ATF7: variants seen among roughly 807,000 people sequenced by gnomAD.
The protein encoded by ATF7 is activating transcription factor 7.
ATF7 carries 10 observed loss-of-function variants against 50.4 expected under a neutral mutation model. The observed-to-expected ratio is 0.20, with a 90% CI of 0.12 to 0.34. The LOEUF (loss-of-function observed/expected upper bound fraction) is 0.34. Ranked by LOEUF, ATF7 falls within the 10% of genes least tolerant of loss-of-function variation. The probability of loss-of-function intolerance (pLI) is 1.00; values close to 1 mark genes in which losing one functional copy is unlikely to be tolerated. For missense variants in ATF7, 465 were observed against 613.9 expected, an observed-to-expected ratio of 0.76 and a Z score of 2.56; for synonymous variants, 201 against 226.4, an observed-to-expected ratio of 0.89 and a Z score of 1.01.
intron 2 of ATF7, among the ~76,000 whole-genome samples, chr12:53,580,783 T>C (rs1020900277): frequency 3.3e-5 from 5 of 151,300 alleles, no homozygotes; most frequent in African/African-American, 1.2e-4. Context: ...CATTGCATAA[T>C]GATAAAATGG....
At chr12:53,599,873 C>T (rs1305503836) in intron 2 of ATF7, among the ~76,000 whole-genome samples, 1 of 151,922 alleles carries the variant, frequency 6.6e-6, no homozygotes, top group Non-Finnish European at 1.5e-5. Context: ...AAACTTCCTT[C>T]GTATTCCTTT....
In ATF7 at chr12:53,517,327, G is replaced by C; in HGVS notation, c.1262C>G (p.Thr421Arg). ...CTGAATCACAGGGGCTGGAGAACCCGTTGGCTCTGAGCTTTCCTTGGGGCT... is the reference window on the plus strand; with the variant it reads ...CTGAATCACAGGGGCTGGAGAACCCCTTGGCTCTGAGCTTTCCTTGGGGCT... The part of the protein sequence containing the change: ...LESPKESSEP[T>R]GSPAPVIQHS... Residue 421 changes from threonine (T) to arginine (R), a missense_variant, in exon 12 of 12, where the codon ACG becomes AGG. Physicochemically the swap from Thr to Arg is moderately conservative, Grantham distance 71. Coordinates refer to ENST00000420353, the MANE Select transcript of ATF7 (RefSeq NM_006856.3). The C allele has an allele frequency of 6.2e-7, 1 of 1,613,820 alleles. No homozygotes were observed. The highest frequency in any genetic ancestry group is 8.5e-7 in the Non-Finnish European group (1 of 1,179,852).
At chr12:53,595,192 GA>G (rs35874176) in intron 2 of ATF7, among the ~76,000 whole-genome samples, 2 of 152,090 alleles carry the variant, frequency 1.3e-5, no homozygotes, top group African/African-American at 4.8e-5. Flanking sequence ...AGAGGGTGGG[GA>G]AAAAAGGCTT....
In ATF7 at chr12:53,582,775, CG is replaced by C. The variant is rs1565977054; in HGVS notation, c.48+18177del. Among the ~76,000 whole-genome samples, 5 of 152,118 alleles carry C rather than the reference CG, an allele frequency of 3.3e-5. No individual in the cohort carries two copies. The South Asian group carries it at 8.3e-4, about 25-fold the overall frequency. ...TTGTATTAGCCGGGATTAGTAGAGA[CG>C]GGATTTCACCATGTTGGCCAGGATG... is the stretch of plus-strand genomic sequence containing the variant. On this transcript the variant is annotated intron_variant, in intron 2 of 11. Transcript: ENST00000420353.
chr12:53,550,348 A>G (rs1302595606), intron 3 of ATF7, among the ~76,000 whole-genome samples: 1 of 147,406 alleles, frequency 6.8e-6, no homozygotes, highest in Non-Finnish European at 1.5e-5. Context: ...ATAAATAAAT[A>G]AATAAATAAA....
At chr12:53,509,985 T>C (rs558375343), downstream of ATF7, among the ~76,000 whole-genome samples, 4 of 152,240 alleles carry the variant, frequency 2.6e-5, no homozygotes, top group South Asian at 8.3e-4. Context: ...CTTTGTCTCA[T>C]GGTTGGTCCC....
chr12:53,595,817 G>C (rs1412053075), intron 2 of ATF7, among the ~76,000 whole-genome samples: 1 of 152,096 alleles, frequency 6.6e-6, no homozygotes, highest in African/African-American at 2.4e-5. Flanking sequence ...AGGCCCCAGA[G>C]GTCTATGAGT....
In ATF7 at chr12:53,610,037, G is replaced by A. The variant is rs570350021; in HGVS notation, c.-21-9016C>T. The stretch of plus-strand genomic sequence containing the variant: ...TCACCATGTTAGCCAGGCTGGTTTC[G>A]AACTCCTGACCTCAAGTGATCCGCC... On this transcript the variant is annotated intron_variant, in intron 1 of 11. Transcript: ENST00000420353. 3.0e-3 allele frequency among the ~76,000 whole-genome samples: 447 copies of A among 151,280 alleles called. 2 individuals carry two copies. Among genetic ancestry groups the A allele is most frequent in the African/African-American group, 8.4e-3 (348 of 41,238 alleles).
At chr12:53,529,276 C>T (rs946351908) in intron 9 of ATF7, among the ~76,000 whole-genome samples, 7 of 151,334 alleles carry the variant, frequency 4.6e-5, no homozygotes, top group African/African-American at 7.3e-5. Flanking sequence ...CTCGGCTCAC[C>T]GCAACCTCCG....
intron 2 of ATF7, among the ~76,000 whole-genome samples, chr12:53,576,579 TATGTCAAGATACC>T (rs1942078942): frequency 6.6e-6 from 1 of 152,176 alleles, no homozygotes; most frequent in African/African-American, 2.4e-5. Flanking sequence ...TGGAGGATGC[TATGTCAAGATACC>T]ATGTTGGAAG....
chr12:53,572,780 C>T (rs1941841186), intron 2 of ATF7, among the ~76,000 whole-genome samples: 1 of 151,270 alleles, frequency 6.6e-6, no homozygotes. Flanking sequence ...GACCCTGCCT[C>T]TATTTAATTT....
chr12:53,582,543 GA>G (rs1344635709), intron 2 of ATF7, among the ~76,000 whole-genome samples: 3 of 151,980 alleles, frequency 2.0e-5, no homozygotes. Flanking sequence ...TGTGGTACTA[GA>G]AAAAGAATAG....
intron 3 of ATF7, among the ~76,000 whole-genome samples, chr12:53,552,061 C>T (rs918343209): frequency 2.6e-4 from 39 of 152,184 alleles, no homozygotes; most frequent in African/African-American, 8.7e-4. Context: ...GAAATGTGCC[C>T]TCAATGGTGT....
intron 9 of ATF7, among the ~76,000 whole-genome samples, chr12:53,528,110 G>T (rs1439590757): frequency 6.6e-6 from 1 of 151,602 alleles, no homozygotes; most frequent in Non-Finnish European, 1.5e-5. Flanking sequence ...CAAAGTGCTG[G>T]GATTACAGAT....
At chr12:53,551,791 A>T (rs1940372703) in intron 3 of ATF7, among the ~76,000 whole-genome samples, 1 of 152,234 alleles carries the variant, frequency 6.6e-6, no homozygotes, top group Non-Finnish European at 1.5e-5. Context: ...GGAATTAAAT[A>T]TTGAATTAAG....
At position 53,523,331 on chromosome 12, in the gene ATF7, T is replaced by G. The variant is rs1938238316; in HGVS notation, c.1179A>C (p.Leu393Phe). 3 of 1,614,094 alleles carry G rather than the reference T, an allele frequency of 1.9e-6. No homozygotes were observed. Among genetic ancestry groups the G allele is most frequent in the Non-Finnish European group, 2.5e-6 (3 of 1,179,954 alleles). Residue 393 changes from leucine (L) to phenylalanine (F), a missense_variant, in exon 11 of 12, where the codon TTA becomes TTC. Physicochemically the swap from Leu to Phe is conservative, Grantham distance 22. Transcript: ENST00000420353. ...CAGTGACTGGGCAGTCTTTATGAGCTAACAGTAGCTGTTTCAACTGGGCCA... is the reference window on the plus strand; with the variant it reads ...CAGTGACTGGGCAGTCTTTATGAGCGAACAGTAGCTGTTTCAACTGGGCCA... ...NEVAQLKQLL[L>F]AHKDCPVTAL... is the part of the protein sequence containing the mutation.
chr12:53,510,577 A>G (rs1944111107), downstream of ATF7, among the ~76,000 whole-genome samples: 3 of 152,230 alleles, frequency 2.0e-5, no homozygotes, highest in Admixed American at 2.0e-4. Context: ...TTTATCATCA[A>G]TAAAATGAAG....
chr12:53,517,697 A>T (rs1937796899), intron 11 of ATF7: 1 of 286,658 alleles, frequency 3.5e-6, no homozygotes, highest in African/African-American at 2.2e-5. Flanking sequence ...TTTTTAAGAG[A>T]TAGGGTCTCA....
At chr12:53,534,763 A>C in intron 5 of ATF7, 104 bp from the exon 6 acceptor site, 1 of 1,296,786 alleles carries the variant, frequency 7.7e-7, no homozygotes, top group South Asian at 1.4e-5. Context: ...AGAGCATTAG[A>C]GCCACTCATT....
Sources: gnomAD v4.1 joint callset for allele counts (sites outside exome capture counted in the v4.1 genomes callset) on GRCh38, gnomAD v4.1.1 for gene constraint, MANE v1.5 for transcripts, NCBI Gene and HGNC (gene_info 2026-07-23, HGNC 2026-07-21) for gene names.